Variants in TDRD9 observed in about 807,000 individuals in gnomAD.
TDRD9 encodes the protein tudor domain containing 9, also known as ATP-dependent RNA helicase TDRD9.
TDRD9 carries 124 observed loss-of-function variants against 172.6 expected under a neutral mutation model. The observed-to-expected ratio is 0.72, with a 90% CI of 0.62 to 0.83. The LOEUF (loss-of-function observed/expected upper bound fraction) is 0.83. TDRD9 is among the 40% of genes least tolerant of loss of function. TDRD9 has a pLI of 0.00. For missense variants in TDRD9, 1,479 were observed against 1,714.1 expected (o/e 0.86, Z 2.42); for synonymous variants, 619 against 617.1 (o/e 1.00, Z -0.05).
intron 7 of TDRD9, 98 bp from the exon 8 acceptor site, chr14:103,986,117 TAC>T: frequency 3.8e-6 from 3 of 789,622 alleles, no homozygotes; most frequent in Non-Finnish European, 2.1e-6. Flanking sequence ...GAGAGTTTGT[TAC>T]AGTGTTGTAC....
chr14:103,957,823 G>T (rs960372317), intron 2 of TDRD9, among the ~76,000 whole-genome samples: 1 of 152,234 alleles, frequency 6.6e-6, no homozygotes, highest in African/African-American at 2.4e-5. Context: ...TAGCGTGCCG[G>T]ATGGATTACC....
intron 2 of TDRD9, among the ~76,000 whole-genome samples, chr14:103,962,519 G>A (rs2032554883): frequency 6.6e-6 from 1 of 152,162 alleles, no homozygotes; most frequent in African/African-American, 2.4e-5. Context: ...GGGGGTGCAT[G>A]TTCAGGTTTG....
intron 28 of TDRD9, 92 bp downstream of exon 28, chr14:104,027,031 G>A (rs1596004783): frequency 3.5e-5 from 49 of 1,381,600 alleles, no homozygotes; most frequent in Non-Finnish European, 4.5e-5. Context: ...ATAGGAGGAG[G>A]CGGACAGTGT....
intron 34 of TDRD9, among the ~76,000 whole-genome samples, chr14:104,043,477 A>T (rs576809470): frequency 6.6e-6 from 1 of 151,838 alleles, no homozygotes; most frequent in Admixed American, 6.6e-5. Flanking sequence ...CAGGCGATCC[A>T]CCCGCTTCAG....
At position 104,024,634 on chromosome 14, in the gene TDRD9, G is replaced by C; in HGVS notation, c.2672G>C (p.Arg891Thr). Residue 891 changes from arginine (R) to threonine (T), a missense_variant, in exon 25 of 36, where the codon AGG becomes ACG. Arg to Thr is a moderately conservative substitution (Grantham distance 71, BLOSUM62 -1). This residue lies in a region of TDRD9 where 1,413 missense variants were observed against 1,649.1 expected (regional missense o/e 0.86). Transcript: ENST00000409874. The part of the protein sequence containing the change: ...PMQVSFNTSD[R>T]SQTVTDLLLT... ...CAAGTCTCCTTTAACACATCAGACA[G>C]GTCCCAGACAGTTACAGATCTCCTT... 6.2e-7 allele frequency: 1 copy of C among 1,613,002 alleles called. No homozygotes were observed. The highest frequency in any genetic ancestry group is 8.5e-7 in the Non-Finnish European group (1 of 1,179,340).
At chr14:103,966,050 G>A (rs758412834) in intron 4 of TDRD9, among the ~76,000 whole-genome samples, 26 of 151,542 alleles carry the variant, frequency 1.7e-4, no homozygotes, top group Non-Finnish European at 3.1e-4. Flanking sequence ...TGAAAATAAG[G>A]CTGGGCATGG....
At chr14:103,951,754 C>CT (rs939867300) in intron 1 of TDRD9, among the ~76,000 whole-genome samples, 14 of 151,492 alleles carry the variant, frequency 9.2e-5, no homozygotes, top group South Asian at 4.2e-4. Flanking sequence ...TGAAATATTT[C>CT]TTTTTTTTTC....
At chr14:103,991,318 C>T (rs1044957837) in intron 9 of TDRD9, 94 bp downstream of exon 9, 3 of 1,296,420 alleles carry the variant, frequency 2.3e-6, no homozygotes, top group Admixed American at 2.1e-5. Flanking sequence ...TGGTATTCTC[C>T]ATAGGACTTT....
chr14:103,945,684 A>G (rs145734347), intron 1 of TDRD9, among the ~76,000 whole-genome samples: 2,460 of 152,300 alleles, frequency 0.016, 67 homozygotes, highest in African/African-American at 0.056. Flanking sequence ...ATAGTTTTCT[A>G]GTTTACACCT....
chr14:103,979,575 G>A (rs1161774790), intron 7 of TDRD9, among the ~76,000 whole-genome samples: 2 of 152,284 alleles, frequency 1.3e-5, no homozygotes, highest in East Asian at 3.9e-4. Flanking sequence ...CTCCCCAAGG[G>A]AGGGCATTAA....
intron 1 of TDRD9, chr14:103,945,394 C>A (rs2152121864): frequency 6.6e-6 from 1 of 152,332 alleles, no homozygotes; most frequent in Non-Finnish European, 1.5e-5. Flanking sequence ...GTGTGTGCTA[C>A]TTGCCTTACA....
chr14:103,965,426 C>T lies in TDRD9; in HGVS notation c.514C>T (p.His172Tyr), dbSNP rs1027183631. The T allele has an allele frequency of 1.3e-6, 2 of 1,551,592 alleles. No homozygotes were observed. The highest frequency in any genetic ancestry group is 2.4e-5 in the South Asian group (2 of 84,040). Residue 172 changes from histidine to tyrosine, a missense_variant, in exon 4 of 36, where the codon CAC (histidine) becomes TAC (tyrosine). His to Tyr is a moderately conservative substitution (Grantham distance 83). Coordinates refer to ENST00000409874, the MANE Select transcript of TDRD9 (RefSeq NM_153046.3). ...TCAGCTCCCGCAGTATATCTTGGACCACTACGTTCAGCGCTCCGCCTACTG... is the reference window on the plus strand; with the variant it reads ...TCAGCTCCCGCAGTATATCTTGGACTACTACGTTCAGCGCTCCGCCTACTG... ...STQLPQYILD[H>Y]YVQRSAYCSI...
rs953169552 is a variant in TDRD9 at position 104,005,188 on chromosome 14, C to T, written c.1582-86C>T. ...TTCTCTCCTCTCCTTCTCTCCTCCT[C>T]TTTCCCTCTGAAGCACTGGTTATGT... On this transcript the variant is annotated intron_variant, in intron 14 of 35. Coordinates refer to ENST00000409874, the MANE Select transcript of TDRD9 (RefSeq NM_153046.3). The T allele has an allele frequency of 5.6e-6, 8 of 1,433,918 alleles. 1 individual carries two copies. The Admixed American group carries it at 1.3e-4, about 23-fold the overall frequency. 88.8% of individuals were successfully genotyped at this position (1,433,918 alleles called of 1,614,324 possible).
intron 33 of TDRD9, among the ~76,000 whole-genome samples, chr14:104,041,188 A>T (rs974498997): frequency 2.0e-5 from 3 of 152,208 alleles, no homozygotes. Flanking sequence ...CTGTTAAGTC[A>T]TAATTGCCTG....
chr14:103,980,459 T>C lies in TDRD9; in HGVS notation c.1011+4906T>C, dbSNP rs2099376861. The stretch of plus-strand genomic sequence containing the variant: ...AGACAGCTTATGCTATTATTTCTGC[T>C]TATCAGAGACTTTTAGTACTTTCAC... On this transcript the variant is annotated intron_variant, in intron 7 of 35. Transcript: ENST00000409874. This position sits in a 1 kb window ranked among gnomAD's most constrained non-coding sequence, Gnocchi z 4.5. 6.6e-6 allele frequency among the ~76,000 whole-genome samples: 1 copy of C among 152,140 alleles called. No individual in the cohort carries two copies. The highest frequency in any genetic ancestry group is 2.4e-5 in the African/African-American group (1 of 41,422).
intron 2 of TDRD9, among the ~76,000 whole-genome samples, chr14:103,956,144 ATATAT>A (rs2032226346): frequency 1.2e-5 from 1 of 80,856 alleles, no homozygotes; most frequent in Non-Finnish European, 2.6e-5. Flanking sequence ...ATATATATAT[ATATAT>A]AATTATTAGG....
chr14:103,964,403 A>G (rs73352476), intron 3 of TDRD9, among the ~76,000 whole-genome samples: 2,273 of 152,304 alleles, frequency 0.015, 66 homozygotes, highest in African/African-American at 0.052. Context: ...GGGAAGAGTC[A>G]TAGAAATCTA....
At chr14:103,954,579 T>C (rs1245132290) in intron 1 of TDRD9, among the ~76,000 whole-genome samples, 1 of 152,252 alleles carries the variant, frequency 6.6e-6, no homozygotes, top group Non-Finnish European at 1.5e-5. Context: ...TGAGGAAAAG[T>C]TGGATTGTAG....
At chr14:103,937,581 C>G (rs2030851029) in intron 1 of TDRD9, among the ~76,000 whole-genome samples, 1 of 152,222 alleles carries the variant, frequency 6.6e-6, no homozygotes, top group Non-Finnish European at 1.5e-5. Flanking sequence ...CCCAGCCCTT[C>G]CAGTTACCTT....
Sources: allele counts gnomAD v4.1 joint callset (sites outside exome capture counted in the v4.1 genomes callset), GRCh38; gene constraint gnomAD v4.1.1; regional missense constraint gnomAD v4.1.1; non-coding constraint Gnocchi (gnomAD v3.1); transcripts MANE v1.5; gene names NCBI Gene and HGNC (gene_info 2026-07-23, HGNC 2026-07-21).